Variants in HMGA2 observed in about 807,000 individuals in gnomAD.
HMGA2 encodes the protein high mobility group AT-hook 2, also known as high mobility group protein HMGI-C.
A neutral mutation model predicts 19.1 loss-of-function variants in HMGA2; 8 were observed. The ratio of observed to expected loss-of-function variants is 0.42; its 90% CI spans 0.25 to 0.76. The LOEUF (loss-of-function observed/expected upper bound fraction) is 0.76, where lower values mean the gene tolerates loss of function less well. HMGA2 is among the 30% of genes least tolerant of loss of function. The probability of loss-of-function intolerance (pLI) is 0.28; values close to 1 mark genes in which losing one functional copy is unlikely to be tolerated. For missense variants in HMGA2, 109 were observed against 136.3 expected (o/e 0.80, Z 1.00); for synonymous variants, 60 against 48.8 (o/e 1.23, Z -0.96).
At chr12:65,894,472 G>A (rs1475442333) in intron 3 of HMGA2, among the ~76,000 whole-genome samples, 2 of 151,994 alleles carry the variant, frequency 1.3e-5, no homozygotes, top group African/African-American at 2.4e-5. Flanking sequence ...TTTGTTTTGC[G>A]CTTAAATTTA....
At chr12:65,874,598 C>T (rs1011577012) in intron 3 of HMGA2, among the ~76,000 whole-genome samples, 1 of 152,078 alleles carries the variant, frequency 6.6e-6, no homozygotes, top group African/African-American at 2.4e-5. Flanking sequence ...TGCAGGTGAC[C>T]TCTATGTACT....
At chr12:65,861,635 A>T (rs187596815) in intron 3 of HMGA2, among the ~76,000 whole-genome samples, 4 of 151,094 alleles carry the variant, frequency 2.6e-5, no homozygotes, top group Non-Finnish European at 5.9e-5. Context: ...AAAAAAAAAA[A>T]AAAAAACCTA....
Position 65,842,846 on chromosome 12 carries a change from A to G in HMGA2, c.249+4277A>G, listed in dbSNP as rs900522435. 2.3e-5 allele frequency: 30 copies of G among 1,322,540 alleles called. No homozygotes were observed. The African/African-American group carries it at 3.2e-4, about 14-fold the overall frequency. The allele number at this position is 1,322,540 out of a possible 1,614,324, so 81.9% of individuals were successfully genotyped here. On this transcript the variant is annotated intron_variant, in intron 3 of 4. Transcript: ENST00000403681. ...TCACATACCTAGTTTAGTGATGGAA[A>G]GTATTTGGAGAAAGTTTTAGAGAGT...
intron 3 of HMGA2, among the ~76,000 whole-genome samples, chr12:65,917,846 A>G (rs1183523185): frequency 6.6e-6 from 1 of 152,230 alleles, no homozygotes; most frequent in Non-Finnish European, 1.5e-5. Flanking sequence ...GACAAGAACT[A>G]CTATTGTGTA....
intron 3 of HMGA2, among the ~76,000 whole-genome samples, chr12:65,928,757 A>ATGTGT (rs1875605004): frequency 6.6e-5 from 10 of 152,200 alleles, no homozygotes; most frequent in Non-Finnish European, 1.0e-4. Flanking sequence ...TGGATGATCA[A>ATGTGT]AATGTCAGTA....
intron 3 of HMGA2, among the ~76,000 whole-genome samples, chr12:65,932,703 T>C (rs376260648): frequency 6.6e-6 from 1 of 152,190 alleles, no homozygotes; most frequent in East Asian, 1.9e-4. Flanking sequence ...CCTCCTTGAA[T>C]AGTACTACAG....
intron 3 of HMGA2, among the ~76,000 whole-genome samples, chr12:65,846,847 T>C (rs1325275378): frequency 2.0e-5 from 3 of 152,198 alleles, no homozygotes; most frequent in African/African-American, 7.2e-5. Context: ...GGGGAATTTA[T>C]AGTCTGGGGA....
intron 4 of HMGA2, chr12:65,952,656 T>G (rs1347534190): frequency 2.2e-6 from 1 of 459,114 alleles, no homozygotes; most frequent in Non-Finnish European, 3.5e-6. Flanking sequence ...AACAAAAACT[T>G]GACATTTTCA....
At chr12:65,880,107 C>T (rs1275960656) in intron 3 of HMGA2, among the ~76,000 whole-genome samples, 1 of 152,200 alleles carries the variant, frequency 6.6e-6, no homozygotes, top group Non-Finnish European at 1.5e-5. Flanking sequence ...ATGGGAGGTG[C>T]CACTTGCACA....
chr12:65,882,592 C>T lies in HMGA2; in HGVS notation c.249+44023C>T, dbSNP rs182818948. 2.1e-3 allele frequency among the ~76,000 whole-genome samples: 326 copies of T among 152,306 alleles called. 7 individuals carry two copies. The highest frequency in any genetic ancestry group is 0.019 in the Admixed American group (293 of 15,304). On this transcript the variant is annotated intron_variant, in intron 3 of 4. Transcript: ENST00000403681. The stretch of plus-strand genomic sequence containing the variant: ...GCTGTTTGGTTTTAATCGCTCAGCT[C>T]TTAATAGTGTAACCCTGGACAAGTG...
At chr12:65,952,400 A>G (rs1876488884) in intron 4 of HMGA2, 3 of 1,534,932 alleles carry the variant, frequency 2.0e-6, no homozygotes, top group Non-Finnish European at 2.6e-6. Context: ...GCAATCTTAT[A>G]TATCTACTGT....
At chr12:65,864,207 A>C (rs1457629650) in intron 3 of HMGA2, among the ~76,000 whole-genome samples, 1 of 152,122 alleles carries the variant, frequency 6.6e-6, no homozygotes, top group Non-Finnish European at 1.5e-5. Flanking sequence ...CAACCTGCCA[A>C]CCATGCTTAG....
chr12:65,936,832 C>A (rs530854226), intron 3 of HMGA2, among the ~76,000 whole-genome samples: 1 of 152,204 alleles, frequency 6.6e-6, no homozygotes, highest in Admixed American at 6.5e-5. Flanking sequence ...CCAGGTCACA[C>A]AGCTTACGCA....
intron 3 of HMGA2, among the ~76,000 whole-genome samples, chr12:65,848,565 A>C (rs551761243): frequency 3.9e-4 from 59 of 152,330 alleles, no homozygotes; most frequent in Non-Finnish European, 7.2e-4. Flanking sequence ...TACATAACTT[A>C]AAAGTTTAAG....
At chr12:65,833,389 C>G (rs922234138) in intron 2 of HMGA2, among the ~76,000 whole-genome samples, 1 of 148,778 alleles carries the variant, frequency 6.7e-6, no homozygotes. Context: ...AGACAGGGCA[C>G]CATCACACCC....
intron 3 of HMGA2, among the ~76,000 whole-genome samples, chr12:65,935,352 G>C (rs1003549020): frequency 1.3e-5 from 2 of 152,128 alleles, no homozygotes; most frequent in African/African-American, 4.8e-5. Flanking sequence ...ACATTTGCTC[G>C]AGAATAATCT....
In HMGA2 at chr12:65,945,767, A is replaced by G. The variant is rs113255424; in HGVS notation, c.250-5616A>G. ...GTCTACTTATTCAATATTTTGGAAC[A>G]TTTTTTCTATAAATAACCGGTCAAT... On this transcript the variant is annotated intron_variant, in intron 3 of 4. Transcript: ENST00000403681. Among the ~76,000 whole-genome samples the G allele has an allele frequency of 2.7e-4, 41 of 152,212 alleles. 1 individual carries two copies. Among genetic ancestry groups the G allele is most frequent in the African/African-American group, 9.9e-4 (41 of 41,538 alleles).
At chr12:65,918,658 G>A (rs76901341) in intron 3 of HMGA2, among the ~76,000 whole-genome samples, 4,548 of 152,220 alleles carry the variant, frequency 0.03, 239 homozygotes, top group African/African-American at 0.1. Context: ...ACAAAACTCA[G>A]ATTTTGGTAA....
intron 3 of HMGA2, among the ~76,000 whole-genome samples, chr12:65,900,499 C>T (rs575611053): frequency 2.0e-4 from 30 of 152,250 alleles, no homozygotes; most frequent in African/African-American, 7.0e-4. Flanking sequence ...AGGTAGAAAC[C>T]AGACAAGTGT....
Sources: gnomAD v4.1 joint callset for allele counts (sites outside exome capture counted in the v4.1 genomes callset) on GRCh38, gnomAD v4.1.1 for gene constraint, MANE v1.5 for transcripts, NCBI Gene and HGNC (gene_info 2026-07-23, HGNC 2026-07-21) for gene names.